Variants in LPCAT1 observed in about 807,000 individuals in gnomAD.
LPCAT1 encodes 1-acylglycerol-3-phosphate O-acyltransferase.
A neutral mutation model predicts 60.9 loss-of-function variants in LPCAT1; 23 were observed. The observed-to-expected ratio is 0.38, with a 90% confidence interval of 0.27 to 0.53. LPCAT1 has a LOEUF of 0.53. Ranked by LOEUF, LPCAT1 falls within the 20% of genes least tolerant of loss-of-function variation. The pLI, the probability that LPCAT1 is intolerant of heterozygous loss-of-function variation, is 0.82. For missense variants in LPCAT1, 622 were observed against 723.6 expected (o/e 0.86, Z 1.61); for synonymous variants, 340 against 301.1 (o/e 1.13, Z -1.34).
intron 12 of LPCAT1, among the ~76,000 whole-genome samples, chr5:1,468,099 T>A (rs902468684): frequency 1.3e-5 from 2 of 152,102 alleles, no homozygotes; most frequent in Non-Finnish European, 2.9e-5. Context: ...CGCTGACGCC[T>A]CCAGCCTTCC....
chr5:1,474,528 T>C (rs1734817735), intron 10 of LPCAT1, 32 bp downstream of exon 10: 3 of 1,611,916 alleles, frequency 1.9e-6, no homozygotes, highest in Non-Finnish European at 2.5e-6. Flanking sequence ...GGGTTCTAGC[T>C]AATGCTCAAG....
At chr5:1,510,117 A>G (rs1363885684) in intron 1 of LPCAT1, among the ~76,000 whole-genome samples, 1 of 151,956 alleles carries the variant, frequency 6.6e-6, no homozygotes, top group Non-Finnish European at 1.5e-5. Flanking sequence ...GTGAACATCC[A>G]TTGTCTCCCT....
In LPCAT1 at chr5:1,522,204, A is replaced by G. The variant is rs952693399; in HGVS notation, c.135+1506T>C. 6.6e-6 allele frequency among the ~76,000 whole-genome samples: 1 copy of G among 152,170 alleles called. No individual in the cohort carries two copies. The highest frequency in any genetic ancestry group is 2.4e-5 in the African/African-American group (1 of 41,442). Reference sequence around the variant, plus strand: ...GGGCTTCCGAGCAGCAGAGTGCAGGAGGAAGAAAGCCTGCTGGGAGTGACT... The same window carrying G: ...GGGCTTCCGAGCAGCAGAGTGCAGGGGGAAGAAAGCCTGCTGGGAGTGACT... On this transcript the variant is annotated intron_variant, in intron 1 of 13. Coordinates refer to ENST00000283415, the MANE Select transcript of LPCAT1 (RefSeq NM_024830.5). The surrounding 1 kb of genome is among the most constrained non-coding windows in gnomAD (Gnocchi z 6.8).
intron 13 of LPCAT1, among the ~76,000 whole-genome samples, chr5:1,464,774 C>G (rs1734268191): frequency 3.0e-5 from 1 of 33,680 alleles, no homozygotes; most frequent in Non-Finnish European, 6.2e-5. Context: ...CACACGGTAA[C>G]CAAACACACG....
rs916030886 is a variant in LPCAT1, at chr5:1,522,862, C to T, written c.135+848G>A. On this transcript the variant is annotated intron_variant, in intron 1 of 13. Transcript: ENST00000283415. This position sits in a 1 kb window ranked among gnomAD's most constrained non-coding sequence, Gnocchi z 6.8. ...GTAAGCCCAGCTGGCAGCCAGGTAG[C>T]CGGAAAAGCCAGGCTGAGCCAGCAC... 1.5e-4 allele frequency among the ~76,000 whole-genome samples: 23 copies of T among 152,144 alleles called. No individual in the cohort carries two copies. The highest frequency in any genetic ancestry group is 3.1e-4 in the Non-Finnish European group (21 of 68,030).
At chr5:1,470,657 T>G (rs895189429) in intron 12 of LPCAT1, among the ~76,000 whole-genome samples, 169 bp downstream of exon 12, 4 of 152,224 alleles carry the variant, frequency 2.6e-5, no homozygotes, top group Admixed American at 6.5e-5. Flanking sequence ...TCTGGGAGTT[T>G]TCTGGGCATT....
In LPCAT1 at chr5:1,469,124, C is replaced by T. The variant is rs113916670; in HGVS notation, c.1278+1702G>A. On this transcript the variant is annotated intron_variant, in intron 12 of 13. Transcript: ENST00000283415. ...AGGTGAGGCGGGACCCTGGTGTCGC[C>T]GTGGGGACGCAGCCATATCAGCGGC... Among the ~76,000 whole-genome samples the T allele has an allele frequency of 3.3e-3, 508 of 152,272 alleles. 1 individual carries two copies. The highest frequency in any genetic ancestry group is 0.012 in the African/African-American group (488 of 41,552).
rs371091910 is a variant in LPCAT1 at position 1,494,955 on chromosome 5, A to G, written c.279-41T>C. Reference sequence around the variant, plus strand: ...CTGCGTCACGCGGGCACACGTCCGCAGTCTCGGAGTCTGTGTGAGGCACAG... The same window carrying G: ...CTGCGTCACGCGGGCACACGTCCGCGGTCTCGGAGTCTGTGTGAGGCACAG... On this transcript the variant is annotated intron_variant, in intron 2 of 13. Transcript: ENST00000283415. The G allele has an allele frequency of 8.0e-5, 122 of 1,526,476 alleles. 1 individual carries two copies. Among genetic ancestry groups the G allele is most frequent in the Non-Finnish European group, 6.1e-5 (69 of 1,125,862 alleles). 94.6% of individuals were successfully genotyped at this position (1,526,476 alleles called of 1,614,324 possible). A position where few individuals can be genotyped will look rare whatever the true frequency, so the allele number is the denominator to read the frequency against.
chr5:1,503,235 G>A (rs1274063420), intron 1 of LPCAT1, among the ~76,000 whole-genome samples: 1 of 152,256 alleles, frequency 6.6e-6, no homozygotes, highest in Middle Eastern at 3.4e-3. Context: ...CATCACACTC[G>A]CTGCACCAAG....
chr5:1,464,816 C>A (rs906656748), intron 13 of LPCAT1, among the ~76,000 whole-genome samples: 1 of 151,240 alleles, frequency 6.6e-6, no homozygotes, highest in African/African-American at 2.4e-5. Context: ...AGCACACACA[C>A]GGTAATCACA....
intron 13 of LPCAT1, among the ~76,000 whole-genome samples, chr5:1,465,049 G>A (rs1435329600): frequency 6.1e-5 from 7 of 114,964 alleles, no homozygotes; most frequent in Admixed American, 9.1e-5. Flanking sequence ...ACACACATGC[G>A]CACGCACAAG....
chr5:1,519,095 T>A (rs372552298), intron 1 of LPCAT1, among the ~76,000 whole-genome samples: 6 of 152,210 alleles, frequency 3.9e-5, no homozygotes, highest in Non-Finnish European at 8.8e-5. Context: ...CAATATAAGA[T>A]AAAGGGCTCT....
Position 1,487,923 on chromosome 5 carries a change from C to T in LPCAT1, c.667+468G>A, listed in dbSNP as rs149589140. Among the ~76,000 whole-genome samples the T allele has an allele frequency of 2.5e-3, 387 of 152,282 alleles. 2 individuals carry two copies. The highest frequency in any genetic ancestry group is 4.2e-3 in the Non-Finnish European group (287 of 68,018). The stretch of plus-strand genomic sequence containing the variant: ...GCCGCGGGAGAGACCCAAGTTCACA[C>T]GCATTTGAGTCCCCCCTCCCCAGGG... On this transcript the variant is annotated intron_variant, in intron 5 of 13. Coordinates refer to ENST00000283415, the MANE Select transcript of LPCAT1 (RefSeq NM_024830.5). This position sits in a 1 kb window ranked among gnomAD's most constrained non-coding sequence, Gnocchi z 6.1.
rs145908719 is a variant in LPCAT1, at chr5:1,481,383, C to T, written c.727-407G>A. Reference sequence around the variant, plus strand: ...CAATTCCAGTGTGCACCCGGGACCCCGGCCCTCTCCTGCCCACCGCTCTCT... The same window carrying T: ...CAATTCCAGTGTGCACCCGGGACCCTGGCCCTCTCCTGCCCACCGCTCTCT... On this transcript the variant is annotated intron_variant, in intron 6 of 13. Transcript: ENST00000283415. The surrounding 1 kb of genome is among the most constrained non-coding windows in gnomAD (Gnocchi z 7.8). 3.2e-3 allele frequency among the ~76,000 whole-genome samples: 490 copies of T among 152,338 alleles called. 1 individual carries two copies. The highest frequency in any genetic ancestry group is 0.01 in the African/African-American group (435 of 41,576).
Position 1,495,207 on chromosome 5 carries a change from C to G in LPCAT1, c.279-293G>C, listed in dbSNP as rs966383132. On this transcript the variant is annotated intron_variant, in intron 2 of 13. Coordinates refer to ENST00000283415, the MANE Select transcript of LPCAT1 (RefSeq NM_024830.5). The surrounding 1 kb of genome is among the most constrained non-coding windows in gnomAD (Gnocchi z 4.7). Reference sequence around the variant, plus strand: ...GCTAAGACAACATGAGACTCCGGAACACAGACAGCACAAGTCCCAGGCCAG... The same window carrying G: ...GCTAAGACAACATGAGACTCCGGAAGACAGACAGCACAAGTCCCAGGCCAG... 6.6e-6 allele frequency among the ~76,000 whole-genome samples: 1 copy of G among 152,242 alleles called. No individual in the cohort carries two copies. Among genetic ancestry groups the G allele is most frequent in the Non-Finnish European group, 1.5e-5 (1 of 68,046 alleles).
At position 1,496,886 on chromosome 5, in the gene LPCAT1, T is replaced by C. The variant is rs1352912883; in HGVS notation, c.279-1972A>G. ...CCAGCACAAGCCCAGGGTGCTCAGG[T>C]GCCTGGGCAGCCCATTCCCAGGGGA... is the stretch of plus-strand genomic sequence containing the variant. On this transcript the variant is annotated intron_variant, in intron 2 of 13. Transcript: ENST00000283415. This position sits in a 1 kb window ranked among gnomAD's most constrained non-coding sequence, Gnocchi z 4.7. Among the ~76,000 whole-genome samples the C allele has an allele frequency of 1.3e-5, 2 of 152,142 alleles. No individual in the cohort carries two copies. The highest frequency in any genetic ancestry group is 4.8e-5 in the African/African-American group (2 of 41,438).
chr5:1,475,520 C>T (rs181579334), intron 9 of LPCAT1, among the ~76,000 whole-genome samples: 1 of 152,236 alleles, frequency 6.6e-6, no homozygotes, highest in Admixed American at 6.5e-5. Context: ...AACTCAGAAC[C>T]CCAAATGACT....
intron 1 of LPCAT1, among the ~76,000 whole-genome samples, chr5:1,505,927 T>C (rs1005469679): frequency 6.6e-6 from 1 of 152,206 alleles, no homozygotes; most frequent in African/African-American, 2.4e-5. Context: ...CCTGCTCCTG[T>C]TGGTGTCCCA....
Position 1,481,072 on chromosome 5 carries a change from C to G in LPCAT1, c.727-96G>C, listed in dbSNP as rs1735122062. On this transcript the variant is annotated intron_variant, in intron 6 of 13. Transcript: ENST00000283415. The surrounding 1 kb of genome is among the most constrained non-coding windows in gnomAD (Gnocchi z 7.8). Reference sequence around the variant, plus strand: ...GCCGGCCTCTCCCTGCACCTCCCACCCCACAGAGGCGCTGCAGCCAGGGGG... The same window carrying G: ...GCCGGCCTCTCCCTGCACCTCCCACGCCACAGAGGCGCTGCAGCCAGGGGG... 2 of 1,418,180 alleles carry G rather than the reference C, an allele frequency of 1.4e-6. No homozygotes were observed. Among genetic ancestry groups the G allele is most frequent in the African/African-American group, 2.8e-5 (2 of 71,114 alleles). The allele number at this position is 1,418,180 out of a possible 1,614,324, so 87.8% of individuals were successfully genotyped here. A position where few individuals can be genotyped will look rare whatever the true frequency, so the allele number is the denominator to read the frequency against.
Sources: gnomAD v4.1 joint callset for allele counts (sites outside exome capture counted in the v4.1 genomes callset) on GRCh38, gnomAD v4.1.1 for gene constraint, Gnocchi (gnomAD v3.1) non-coding constraint, MANE v1.5 for transcripts, NCBI Gene and HGNC (gene_info 2026-07-23, HGNC 2026-07-21) for gene names.